Variants in ATP10B observed in about 807,000 individuals in gnomAD.
The protein encoded by ATP10B is ATPase phospholipid transporting 10B (putative).
Under a neutral mutation model 141.2 loss-of-function variants are expected in ATP10B, and 122 were observed. That is an observed-to-expected ratio of 0.86 (90% CI 0.75 to 1.00). The LOEUF is 1.00. Among genes scored for constraint, ATP10B ranks in the 50% least tolerant of loss-of-function variants. The pLI, the probability that ATP10B is intolerant of heterozygous loss-of-function variation, is 0.00. For missense variants in ATP10B, 1,876 were observed against 1,825.3 expected (o/e 1.03, Z -0.51); for synonymous variants, 685 against 692.0 (o/e 0.99, Z 0.16).
At chr5:160,850,818 C>T (rs187870137) in intron 1 of ATP10B, among the ~76,000 whole-genome samples, 1 of 152,056 alleles carries the variant, frequency 6.6e-6, no homozygotes, top group Non-Finnish European at 1.5e-5. Context: ...GATCCTGAAC[C>T]CTTAAATCCA....
chr5:160,912,144 T>C, the ATP10B span, among the ~76,000 whole-genome samples: 1 of 152,266 alleles, frequency 6.6e-6, no homozygotes, highest in Non-Finnish European at 1.5e-5. Flanking sequence ...TTGTATTCAG[T>C]ATAACTATTA....
Position 160,722,125 on chromosome 5 carries a change from C to A in ATP10B, c.-330-5091G>T, listed in dbSNP as rs1446651146. On this transcript the variant is annotated intron_variant, in intron 2 of 25. Transcript: ENST00000327245. ...TGGCTGTTAACTAAACATATCCAAG[C>A]AAACAAACACATTTCAGATAGCCCA... Among the ~76,000 whole-genome samples, 3 of 152,176 alleles carry A rather than the reference C, an allele frequency of 2.0e-5. No homozygotes were observed. In the East Asian group the frequency reaches 5.8e-4, roughly 29 times the overall value.
intron 2 of ATP10B, among the ~76,000 whole-genome samples, chr5:160,752,505 G>A (rs907098662): frequency 1.3e-5 from 2 of 152,044 alleles, no homozygotes; most frequent in Admixed American, 6.5e-5. Flanking sequence ...ATCTGACTTC[G>A]AATCTAATTC....
At chr5:160,811,672 G>T (rs372229911) in intron 1 of ATP10B, among the ~76,000 whole-genome samples, 5 of 152,160 alleles carry the variant, frequency 3.3e-5, no homozygotes. Flanking sequence ...CAGCTCAGCT[G>T]CAATACAGCA....
chr5:160,904,820 C>T, the ATP10B span, among the ~76,000 whole-genome samples: 1 of 152,280 alleles, frequency 6.6e-6, no homozygotes, highest in African/African-American at 2.4e-5. Context: ...CCCATAGATG[C>T]CAGCATAAGA....
At chr5:160,734,713 A>G (rs1225220203) in intron 2 of ATP10B, among the ~76,000 whole-genome samples, 1 of 152,092 alleles carries the variant, frequency 6.6e-6, no homozygotes, top group Non-Finnish European at 1.5e-5. Flanking sequence ...AAAAGAACAC[A>G]TTGAAACAGA....
intron 7 of ATP10B, among the ~76,000 whole-genome samples, chr5:160,650,236 A>C (rs1478902552): frequency 1.3e-5 from 2 of 151,966 alleles, no homozygotes; most frequent in Non-Finnish European, 2.9e-5. Context: ...ACATATATAT[A>C]TCTCCACACC....
chr5:160,589,953 C>T (rs936766186), intron 23 of ATP10B, among the ~76,000 whole-genome samples: 1 of 152,130 alleles, frequency 6.6e-6, no homozygotes, highest in African/African-American at 2.4e-5. Flanking sequence ...AGACAGAATT[C>T]ATTGAGAGCC....
At chr5:160,898,634 C>A in the ATP10B span, among the ~76,000 whole-genome samples, 1 of 152,168 alleles carries the variant, frequency 6.6e-6, no homozygotes, top group African/African-American at 2.4e-5. Flanking sequence ...ACTCAGCAAT[C>A]CCTTTACTGG....
At chr5:160,687,769 AAG>A (rs750992675) in intron 5 of ATP10B, 29 bp downstream of exon 5, 2 of 1,595,200 alleles carry the variant, frequency 1.3e-6, no homozygotes, top group Non-Finnish European at 1.7e-6. Flanking sequence ...TTTCTCTAAA[AAG>A]AGTATTGTTC....
chr5:160,845,020 T>A (rs551327430), intron 1 of ATP10B, among the ~76,000 whole-genome samples: 26 of 152,272 alleles, frequency 1.7e-4, no homozygotes, highest in Non-Finnish European at 3.4e-4. Context: ...TGGCCACCCT[T>A]ATTTGTTTCA....
At chr5:160,689,272 TACTGAA>T (rs1182072705) in intron 3 of ATP10B, among the ~76,000 whole-genome samples, 10 of 152,140 alleles carry the variant, frequency 6.6e-5, no homozygotes, top group Non-Finnish European at 1.3e-4. Flanking sequence ...ACCAATATCA[TACTGAA>T]TGGAAAAAGC....
chr5:160,761,789 G>A (rs892746033), intron 2 of ATP10B, among the ~76,000 whole-genome samples: 4 of 151,910 alleles, frequency 2.6e-5, no homozygotes, highest in African/African-American at 7.3e-5. Context: ...AGCTACTAAA[G>A]GAGGTATCAG....
At chr5:160,718,493 A>G (rs1765787570) in intron 2 of ATP10B, among the ~76,000 whole-genome samples, 1 of 152,200 alleles carries the variant, frequency 6.6e-6, no homozygotes, top group African/African-American at 2.4e-5. Context: ...ATTTATAAAG[A>G]AAAGAAGTTT....
intron 7 of ATP10B, among the ~76,000 whole-genome samples, chr5:160,667,177 C>T (rs1390687006): frequency 2.6e-5 from 4 of 152,104 alleles, no homozygotes; most frequent in Non-Finnish European, 2.9e-5. Flanking sequence ...GAGATCGTGC[C>T]ACTGCACTCC....
chr5:160,703,977 A>C lies in ATP10B; in HGVS notation c.-205+12932T>G, dbSNP rs570503820. Reference sequence around the variant, plus strand: ...GTCACCAGGGGCAGTGTTAAGGAGTAGTAACCTTTGTTATTGTTGTTGAGA... The same window carrying C: ...GTCACCAGGGGCAGTGTTAAGGAGTCGTAACCTTTGTTATTGTTGTTGAGA... On this transcript the variant is annotated intron_variant, in intron 3 of 25. Transcript: ENST00000327245. Among the ~76,000 whole-genome samples, 20 of 152,258 alleles carry C rather than the reference A, an allele frequency of 1.3e-4. No homozygotes were observed. In the South Asian group the frequency reaches 3.9e-3, roughly 30 times the overall value.
intron 24 of ATP10B, among the ~76,000 whole-genome samples, chr5:160,573,815 C>T (rs1355849997): frequency 6.6e-6 from 1 of 152,156 alleles, no homozygotes; most frequent in Non-Finnish European, 1.5e-5. Context: ...AAAGACATAG[C>T]TCTAGTAGGT....
At position 160,816,351 on chromosome 5, in the gene ATP10B, C is replaced by T. The variant is rs554822664; in HGVS notation, c.-575-30548G>A. Among the ~76,000 whole-genome samples the T allele has an allele frequency of 6.8e-3, 1,027 of 152,002 alleles. 16 individuals carry two copies. Among genetic ancestry groups the T allele is most frequent in the African/African-American group, 0.023 (969 of 41,434 alleles). On this transcript the variant is annotated intron_variant, in intron 1 of 25. Coordinates refer to ENST00000327245, the MANE Select transcript of ATP10B (RefSeq NM_025153.3). Reference sequence around the variant, plus strand: ...ACCAATCCCACAGAAATACAAACTACCATCAGAGAATACTAGAAACACCCC... The same window carrying T: ...ACCAATCCCACAGAAATACAAACTATCATCAGAGAATACTAGAAACACCCC...
intron 7 of ATP10B, among the ~76,000 whole-genome samples, chr5:160,652,801 A>G (rs1426362922): frequency 1.0e-5 from 1 of 97,142 alleles, no homozygotes; most frequent in Non-Finnish European, 1.8e-5. Flanking sequence ...TATATAATAT[A>G]TTATATAATA....
Sources: gnomAD v4.1 joint callset for allele counts (sites outside exome capture counted in the v4.1 genomes callset) on GRCh38, gnomAD v4.1.1 for gene constraint, MANE v1.5 for transcripts, NCBI Gene and HGNC (gene_info 2026-07-23, HGNC 2026-07-21) for gene names.